BAZ2A: variants seen among roughly 807,000 people sequenced by gnomAD.
BAZ2A encodes the protein bromodomain adjacent to zinc finger domain protein 2A.
In BAZ2A, 34 loss-of-function variants were observed where a neutral mutation model predicts 199.9. The ratio of observed to expected loss-of-function variants is 0.17; its 90% confidence interval spans 0.13 to 0.23. The LOEUF (loss-of-function observed/expected upper bound fraction) is 0.23, where lower values mean the gene tolerates loss of function less well. BAZ2A is among the 10% of genes least tolerant of loss of function. The pLI is 1.00. For synonymous variants in BAZ2A, 857 were observed against 883.9 expected, an observed-to-expected ratio of 0.97 and a Z score of 0.54; for missense variants, 2,002 against 2,391.1, an observed-to-expected ratio of 0.84 and a Z score of 3.39.
chr12:56,635,999 C>T lies in BAZ2A; in HGVS notation c.4+183G>A, dbSNP rs1263611221. Among the ~76,000 whole-genome samples, 1 of 152,190 alleles carries T rather than the reference C, an allele frequency of 6.6e-6. No individual in the cohort carries two copies. The highest frequency in any genetic ancestry group is 1.5e-5 in the Non-Finnish European group (1 of 68,022). On this transcript the variant is annotated intron_variant, in intron 1 of 29. Coordinates refer to the BAZ2A transcript ENST00000379441. This position sits in a 1 kb window ranked among gnomAD's most constrained non-coding sequence, Gnocchi z 4.1. ...CTCTTCCTTAGAACTGGGGCTTGCC[C>T]ATACTCAGGATCCCGTGGTCGGCAG...
At chr12:56,619,510 A>C (rs1950839447) in intron 1 of BAZ2A, among the ~76,000 whole-genome samples, 1 of 142,854 alleles carries the variant, frequency 7.0e-6, no homozygotes, top group Admixed American at 8.5e-5. Flanking sequence ...CCCTGTCTCA[A>C]AAAAAAAAAA....
In BAZ2A at chr12:56,599,237, C is replaced by T. The variant is rs1014975877; in HGVS notation, c.5294G>A (p.Gly1765Asp). 1 of 1,613,136 alleles carries T rather than the reference C, an allele frequency of 6.2e-7. No individual in the cohort carries two copies. The highest frequency in any genetic ancestry group is 1.1e-5 in the South Asian group (1 of 90,936). The stretch of plus-strand genomic sequence containing the variant: ...AGGCCCTGCTGCTGGGCTTTCTCGG[C>T]CCCTCAACAGTACCCGGCGTCGGCG... ...DGRRRRVLLR[G>D]RESPAAGPRY... is the part of the protein sequence containing the mutation. Residue 1765 changes from glycine (G) to aspartate (D), a missense_variant, in exon 27 of 29, where the codon GGC becomes GAC. Gly to Asp is a moderately conservative substitution (Grantham distance 94). Coordinates refer to ENST00000549884, the MANE Select transcript of BAZ2A (RefSeq NM_001300905.2).
chr12:56,603,303 G>A, intron 18 of BAZ2A, 56 bp downstream of exon 18: 2 of 1,546,932 alleles, frequency 1.3e-6, no homozygotes, highest in Middle Eastern at 1.7e-4. Flanking sequence ...AAAAGAAGCT[G>A]ATCAATTCTT....
intron 16 of BAZ2A, among the ~76,000 whole-genome samples, chr12:56,603,981 C>A (rs763781283): frequency 6.6e-6 from 1 of 152,114 alleles, no homozygotes; most frequent in Non-Finnish European, 1.5e-5. Flanking sequence ...CTATCGCATT[C>A]CAGCCTAGGC....
intron 14 of BAZ2A, 25 bp downstream of exon 14, chr12:56,605,048 T>G: frequency 6.4e-7 from 1 of 1,560,062 alleles, no homozygotes; most frequent in Admixed American, 2.0e-5. Context: ...TTGTCCTGGT[T>G]ACTTTGGGAG....
At chr12:56,621,321 CAG>C (rs1444361595) in intron 1 of BAZ2A, 16 of 931,336 alleles carry the variant, frequency 1.7e-5, no homozygotes, top group Non-Finnish European at 2.0e-5. Context: ...TCACAGAAAT[CAG>C]AGAATTAAAA....
intron 1 of BAZ2A, among the ~76,000 whole-genome samples, chr12:56,624,880 C>G (rs7954900): frequency 0.011 from 1,675 of 152,172 alleles, 34 homozygotes; most frequent in African/African-American, 0.037. Context: ...TATGATCACA[C>G]CACCGTTTTC....
upstream of BAZ2A, chr12:56,630,872 G>T (rs1288021135): frequency 3.0e-6 from 3 of 985,274 alleles, no homozygotes; most frequent in South Asian, 9.4e-5. Flanking sequence ...ATTCCTGTGC[G>T]TGGGGGAAAG....
At chr12:56,607,673 G>C (rs1950408998) in intron 10 of BAZ2A, among the ~76,000 whole-genome samples, 1 of 152,128 alleles carries the variant, frequency 6.6e-6, no homozygotes, top group African/African-American at 2.4e-5. Flanking sequence ...GCCTGGCCCT[G>C]ACATGACAAT....
chr12:56,617,770 C>T (rs772244220), intron 1 of BAZ2A, among the ~76,000 whole-genome samples: 1 of 152,118 alleles, frequency 6.6e-6, no homozygotes, highest in South Asian at 2.1e-4. Context: ...AAAAACAAAG[C>T]AAGTTAGCGA....
At chr12:56,616,988 G>A (rs1213892661) in intron 2 of BAZ2A, among the ~76,000 whole-genome samples, 1 of 152,176 alleles carries the variant, frequency 6.6e-6, no homozygotes, top group Non-Finnish European at 1.5e-5. Context: ...TCTAGCATCT[G>A]CCTTTCTCTG....
At chr12:56,622,509 G>C (rs1950953353) in intron 1 of BAZ2A, among the ~76,000 whole-genome samples, 1 of 152,122 alleles carries the variant, frequency 6.6e-6, no homozygotes, top group South Asian at 2.1e-4. Context: ...AAAAACATGT[G>C]AACACCTCCT....
At chr12:56,611,717 G>A in intron 6 of BAZ2A, 56 bp downstream of exon 6, 1 of 1,523,598 alleles carries the variant, frequency 6.6e-7, no homozygotes. Context: ...ACTACAACAT[G>A]GGACAGAAAA....
At chr12:56,606,132 C>G in intron 12 of BAZ2A, 69 bp from the exon 13 acceptor site, 1 of 1,557,762 alleles carries the variant, frequency 6.4e-7, no homozygotes. Context: ...TGGTCCCAGT[C>G]CTCCCAACCT....
In BAZ2A at chr12:56,598,358, A is replaced by T. The variant is rs904844261; in HGVS notation, c.*260T>A. ...TTAGCAAATAAAACAGAAAAGAAAA[A>T]TTATTTTTTTCTTTCTTTTTTTGGC... On this transcript the variant is annotated 3_prime_UTR_variant, in exon 29 of 29. Transcript: ENST00000549884. 1.5e-5 allele frequency: 6 copies of T among 391,862 alleles called. No individual in the cohort carries two copies. The highest frequency in any genetic ancestry group is 2.7e-5 in the Non-Finnish European group (6 of 220,272). 24.3% of individuals were successfully genotyped at this position (391,862 alleles called of 1,614,324 possible).
Position 56,603,591 on chromosome 12 carries a change from C to T in BAZ2A, c.3148G>A (p.Gly1050Ser). 6.2e-7 allele frequency: 1 copy of T among 1,614,062 alleles called. No individual in the cohort carries two copies. The highest frequency in any genetic ancestry group is 1.1e-5 in the South Asian group (1 of 91,090). ...TCCTCTTCTTCCTCTTCTTCCATGCCACTGGTCTCCTCCATGATCCGAGAA... is the reference window on the plus strand; with the variant it reads ...TCCTCTTCTTCCTCTTCTTCCATGCTACTGGTCTCCTCCATGATCCGAGAA... ...RSSRIMEETS[G>S]MEEEEEEESI... Residue 1050 changes from glycine to serine, a missense_variant, in exon 17 of 29, where the codon GGC becomes AGC. Physicochemically the swap from Gly to Ser is moderately conservative, Grantham distance 56. This residue lies in a region of BAZ2A where 1,081 missense variants were observed against 1,274.7 expected (regional missense o/e 0.85). Coordinates refer to ENST00000549884, the MANE Select transcript of BAZ2A (RefSeq NM_001300905.2).
At chr12:56,619,454 A>C (rs1165403845) in intron 1 of BAZ2A, among the ~76,000 whole-genome samples, 2 of 150,290 alleles carry the variant, frequency 1.3e-5, no homozygotes, top group East Asian at 3.9e-4. Flanking sequence ...GGCTGCAGTG[A>C]ACCATGATCA....
In BAZ2A at chr12:56,615,341, T is replaced by G; in HGVS notation, c.403A>C (p.Ser135Arg). The G allele has an allele frequency of 6.2e-7, 1 of 1,613,656 alleles. No homozygotes were observed. Among genetic ancestry groups the G allele is most frequent in the Non-Finnish European group, 8.5e-7 (1 of 1,179,726 alleles). Residue 135 changes from serine to arginine, a missense_variant, in exon 3 of 29, where the codon AGT becomes CGT. Transcript: ENST00000549884. ...LGGSRQPSSPSHNTNLRAGSQ... is the reference protein window; with the variant it reads ...LGGSRQPSSPRHNTNLRAGSQ... ...CCAGCCCGAAGGTTAGTGTTATGAC[T>G]TGGGGATGAAGGTTGCCGGCTGCCC... is the stretch of plus-strand genomic sequence containing the variant.
At position 56,613,296 on chromosome 12, in the gene BAZ2A, A is replaced by G. The variant is rs1390573504; in HGVS notation, c.917-63T>C. On this transcript the variant is annotated intron_variant, in intron 4 of 28. Transcript: ENST00000549884. ...AGAAAAAAATCAGAAAGCAAGATTT[A>G]AGAAACACTGGTCAGAAAACATCCA... 7.3e-6 allele frequency: 11 copies of G among 1,501,838 alleles called. No individual in the cohort carries two copies. The Admixed American group carries it at 1.9e-4, about 25-fold the overall frequency. 93.0% of individuals were successfully genotyped at this position (1,501,838 alleles called of 1,614,324 possible). A position where few individuals can be genotyped will look rare whatever the true frequency, so the allele number is the denominator to read the frequency against.
Sources: allele counts gnomAD v4.1 joint callset (sites outside exome capture counted in the v4.1 genomes callset), GRCh38; gene constraint gnomAD v4.1.1; regional missense constraint gnomAD v4.1.1; non-coding constraint Gnocchi (gnomAD v3.1); transcripts MANE v1.5; gene names NCBI Gene and HGNC (gene_info 2026-07-23, HGNC 2026-07-21).